SYNRG: variants seen among roughly 807,000 people sequenced by gnomAD.
The protein encoded by SYNRG is synergin gamma.
SYNRG carries 37 observed loss-of-function variants against 130.9 expected under a neutral mutation model. The ratio of observed to expected loss-of-function variants is 0.28; its 90% CI spans 0.22 to 0.37. The LOEUF is 0.37. Among genes scored for constraint, SYNRG ranks in the 10% least tolerant of loss-of-function variants. The probability of loss-of-function intolerance (pLI) is 1.00; values close to 1 mark genes in which losing one functional copy is unlikely to be tolerated. For synonymous variants in SYNRG, 539 were observed against 568.1 expected (o/e 0.95, Z 0.73); for missense variants, 1,338 against 1,588.9 (o/e 0.84, Z 2.68).
chr17:37,578,676 G>C (rs946313366), intron 6 of SYNRG, among the ~76,000 whole-genome samples: 7 of 152,230 alleles, frequency 4.6e-5, no homozygotes, highest in Admixed American at 4.6e-4. Flanking sequence ...ATGTGTAGCT[G>C]TCTCTATTCA....
chr17:37,596,073 G>A, intron 3 of SYNRG, 150 bp downstream of exon 3: 1 of 890,180 alleles, frequency 1.1e-6, no homozygotes. Context: ...CACTCTTGGA[G>A]GGTGAACACA....
At chr17:37,600,535 G>T in intron 1 of SYNRG, 132 bp from the exon 2 acceptor site, 1 of 863,340 alleles carries the variant, frequency 1.2e-6, no homozygotes, top group Non-Finnish European at 1.9e-6. Flanking sequence ...ATACTGAATT[G>T]CCCAACATCA....
chr17:37,559,595 A>C (rs555339135), intron 13 of SYNRG, among the ~76,000 whole-genome samples: 17 of 152,286 alleles, frequency 1.1e-4, no homozygotes, highest in African/African-American at 4.1e-4. Context: ...GAGTCTGAGA[A>C]AGAAGAATCG....
chr17:37,549,611 G>T lies in SYNRG; in HGVS notation c.2608+3504C>A, dbSNP rs575930347. ...GAGTACCCAATTTTTCTTTCTTTGA[G>T]ACTAGGTCTTGCTCTGTCACCCAGG... On this transcript the variant is annotated intron_variant, in intron 14 of 21. Transcript: ENST00000612223. Among the ~76,000 whole-genome samples the T allele has an allele frequency of 6.6e-5, 10 of 152,184 alleles. No homozygotes were observed. In the South Asian group the frequency reaches 2.1e-3, roughly 32 times the overall value.
Position 37,518,742 on chromosome 17 carries a change from C to T in SYNRG, c.*198G>A, listed in dbSNP as rs1049343069. ...ATAAGTGAGCAAGCTTCTGGTGCCACGTGCAGTTTGGGTGGGACAATTTTA... is the reference window on the plus strand; with the variant it reads ...ATAAGTGAGCAAGCTTCTGGTGCCATGTGCAGTTTGGGTGGGACAATTTTA... On this transcript the variant is annotated 3_prime_UTR_variant, in exon 22 of 22. Coordinates refer to ENST00000612223, the MANE Select transcript of SYNRG (RefSeq NM_007247.6). 1.4e-5 allele frequency: 8 copies of T among 555,360 alleles called. No homozygotes were observed. The highest frequency in any genetic ancestry group is 6.8e-5 in the Admixed American group (2 of 29,514). The allele number at this position is 555,360 out of a possible 1,614,324, so 34.4% of individuals were successfully genotyped here.
Position 37,522,081 on chromosome 17 carries a change from G to A in SYNRG, c.3667-1433C>T, listed in dbSNP as rs562426158. Among the ~76,000 whole-genome samples, 11 of 150,430 alleles carry A rather than the reference G, an allele frequency of 7.3e-5. No individual in the cohort carries two copies. The South Asian group carries it at 2.1e-3, about 29-fold the overall frequency. ...CCATAAATAGAACAACAGCTAATACGCCCTTACTTTCAAGCACTATACTAA... is the reference window on the plus strand; with the variant it reads ...CCATAAATAGAACAACAGCTAATACACCCTTACTTTCAAGCACTATACTAA... On this transcript the variant is annotated intron_variant, in intron 19 of 21. Coordinates refer to ENST00000612223, the MANE Select transcript of SYNRG (RefSeq NM_007247.6).
At chr17:37,572,733 C>T (rs2060526349) in intron 8 of SYNRG, among the ~76,000 whole-genome samples, 1 of 152,164 alleles carries the variant, frequency 6.6e-6, no homozygotes, top group African/African-American at 2.4e-5. Context: ...TACGGAAATA[C>T]AGCCTTTAAG....
At position 37,571,822 on chromosome 17, in the gene SYNRG, T is replaced by C. The variant is rs1428735467; in HGVS notation, c.1067A>G (p.Tyr356Cys). ...TPGKLTKEELYTVLAMIAVTQ... is the reference protein window; with the variant it reads ...TPGKLTKEELCTVLAMIAVTQ... ...TACCGCTATCATGGCTAGAACGGTA[T>C]AAAGTTCTTCTTTTGTAAGTTTGCC... Residue 356 changes from tyrosine (Y) to cysteine (C), a missense_variant, in exon 9 of 22, where the codon TAT becomes TGT. Tyr to Cys is a radical substitution (Grantham distance 194). Around this residue, in one of 3 missense-constraint regions of SYNRG, gnomAD observed 1,146 missense variants for 1,342.3 expected, o/e 0.85. Transcript: ENST00000612223. 1 of 1,614,158 alleles carries C rather than the reference T, an allele frequency of 6.2e-7. No homozygotes were observed. The highest frequency in any genetic ancestry group is 8.5e-7 in the Non-Finnish European group (1 of 1,180,030).
chr17:37,568,526 T>C, intron 11 of SYNRG: 1 of 331,438 alleles, frequency 3.0e-6, no homozygotes, highest in East Asian at 5.1e-5. Context: ...CAGGTGATCT[T>C]AGCTATAATA....
rs1477889886 is a variant in SYNRG at position 37,548,909 on chromosome 17, C to T, written c.2608+4206G>A. On this transcript the variant is annotated intron_variant, in intron 14 of 21. Coordinates refer to ENST00000612223, the MANE Select transcript of SYNRG (RefSeq NM_007247.6). The stretch of plus-strand genomic sequence containing the variant: ...CAGCACTTTGGGAGGCCAAGGCGGG[C>T]GGATTACCTGAGGTCAGGAGTTCGA... 5.3e-5 allele frequency among the ~76,000 whole-genome samples: 8 copies of T among 149,602 alleles called. No individual in the cohort carries two copies. In the East Asian group the frequency reaches 5.9e-4, roughly 11 times the overall value.
At chr17:37,565,081 T>C (rs1024824520) in intron 11 of SYNRG, among the ~76,000 whole-genome samples, 5 of 152,070 alleles carry the variant, frequency 3.3e-5, no homozygotes, top group African/African-American at 9.7e-5. Context: ...CTGGACAATA[T>C]GGTAAAACCC....
intron 6 of SYNRG, among the ~76,000 whole-genome samples, chr17:37,580,500 TGTGTGTGTGTGA>T (rs2061223603): frequency 8.2e-6 from 1 of 121,452 alleles, no homozygotes; most frequent in African/African-American, 3.6e-5. Context: ...TGTGTGTGTG[TGTGTGTGTGTGA>T]GAGAGAGAGA....
chr17:37,565,378 T>C (rs2059857927), intron 11 of SYNRG, among the ~76,000 whole-genome samples: 1 of 152,156 alleles, frequency 6.6e-6, no homozygotes, highest in Non-Finnish European at 1.5e-5. Flanking sequence ...TGCAGTGGCG[T>C]GATCTCGGCT....
intron 14 of SYNRG, among the ~76,000 whole-genome samples, chr17:37,548,854 A>C (rs1289856791): frequency 5.0e-5 from 7 of 139,586 alleles, no homozygotes; most frequent in Non-Finnish European, 1.1e-4. Flanking sequence ...CACACAAAAA[A>C]ACGGGCGTGG....
chr17:37,595,863 T>TC (rs560739854), intron 3 of SYNRG, among the ~76,000 whole-genome samples: 191 of 152,018 alleles, frequency 1.3e-3, no homozygotes, highest in African/African-American at 4.2e-3. Context: ...TAAGGGATTG[T>TC]CCTGCCTCAG....
In SYNRG at chr17:37,542,294, G is replaced by A. The variant is rs751605366; in HGVS notation, c.2880C>T (p.Thr960=). Residue 960 remains threonine (T), a synonymous_variant, in exon 15 of 22, where the codon ACC becomes ACT. Transcript: ENST00000612223. ...FVSEDALPET[T]FPALASFKDT... is the part of the protein sequence containing the mutation. ...CTTTAAAACTGGCAAGAGCTGGGAA[G>A]GTGGTCTCTGGAAGAGCATCTTCAC... is the stretch of plus-strand genomic sequence containing the variant. The A allele has an allele frequency of 3.0e-5, 49 of 1,614,096 alleles. No homozygotes were observed. In the South Asian group the frequency reaches 5.2e-4, roughly 17 times the overall value.
At chr17:37,526,421 G>C (rs759983347) in intron 19 of SYNRG, among the ~76,000 whole-genome samples, 1 of 152,196 alleles carries the variant, frequency 6.6e-6, no homozygotes, top group Non-Finnish European at 1.5e-5. Flanking sequence ...TCTAGACACA[G>C]GTTCCATAGG....
chr17:37,526,524 A>G (rs1439926799), intron 19 of SYNRG, among the ~76,000 whole-genome samples: 7 of 152,364 alleles, frequency 4.6e-5, no homozygotes, highest in Middle Eastern at 6.8e-3. Flanking sequence ...ATGGCTTAAA[A>G]CAACATAAAT....
intron 1 of SYNRG, among the ~76,000 whole-genome samples, chr17:37,607,198 G>C (rs2063824446): frequency 6.6e-6 from 1 of 151,934 alleles, no homozygotes; most frequent in Non-Finnish European, 1.5e-5. Context: ...ACAAAGGGGG[G>C]AAATTTTAAA....
Sources: gnomAD v4.1 joint callset for allele counts (sites outside exome capture counted in the v4.1 genomes callset) on GRCh38, gnomAD v4.1.1 for gene constraint, gnomAD v4.1.1 regional missense constraint, MANE v1.5 for transcripts, NCBI Gene and HGNC (gene_info 2026-07-23, HGNC 2026-07-21) for gene names.